COL6A6: variants seen among roughly 807,000 people sequenced by gnomAD.
COL6A6 encodes collagen alpha-6(VI) chain.
A neutral mutation model predicts 208.6 loss-of-function variants in COL6A6; 183 were observed. The observed-to-expected ratio is 0.88, with a 90% CI of 0.78 to 0.99. COL6A6 has a LOEUF of 0.99. COL6A6 is among the 50% of genes least tolerant of loss of function. COL6A6 has a pLI of 0.00. For synonymous variants in COL6A6, 973 were observed against 1,011.8 expected (o/e 0.96, Z 0.73); for missense variants, 2,816 against 2,815.2 (o/e 1.00, Z -0.01).
intron 12 of COL6A6, among the ~76,000 whole-genome samples, chr3:130,589,777 A>C (rs2063629738): frequency 6.6e-6 from 1 of 152,208 alleles, no homozygotes; most frequent in Non-Finnish European, 1.5e-5. Context: ...ATGTGAAAAT[A>C]TTATTTTGAA....
intron 22 of COL6A6, among the ~76,000 whole-genome samples, chr3:130,610,403 T>A (rs186405893): frequency 2.3e-4 from 35 of 152,234 alleles, no homozygotes; most frequent in African/African-American, 8.2e-4. Context: ...CCATTCAGTA[T>A]TTTTTTCCAA....
intron 8 of COL6A6, 33 bp downstream of exon 8, chr3:130,574,558 C>G: frequency 6.5e-7 from 1 of 1,540,484 alleles, no homozygotes; most frequent in South Asian, 1.1e-5. Context: ...ATTCGATTCC[C>G]TACACCATCT....
chr3:130,592,854 A>G (rs1416000822), intron 15 of COL6A6, 132 bp downstream of exon 15: 3 of 947,276 alleles, frequency 3.2e-6, no homozygotes, highest in Non-Finnish European at 4.8e-6. Context: ...CAGCCATTTC[A>G]TTTTGTTTCT....
intron 19 of COL6A6, among the ~76,000 whole-genome samples, 159 bp downstream of exon 19, chr3:130,598,589 A>G (rs1358526383): frequency 6.6e-6 from 1 of 152,182 alleles, no homozygotes; most frequent in South Asian, 2.1e-4. Context: ...TCTCCTGCCT[A>G]TGTACTACTC....
chr3:130,649,549 G>A lies in COL6A6; in HGVS notation c.5720G>A (p.Arg1907Lys). 6.3e-7 allele frequency: 1 copy of A among 1,589,928 alleles called. No individual in the cohort carries two copies. Among genetic ancestry groups the A allele is most frequent in the South Asian group, 1.1e-5 (1 of 88,272 alleles). ...VITFSNVPSV[R>K]RAFAIDDTGT... ...ACTTTCAGCAACGTGCCCTCGGTCAGGCGCGCATTTGCGGTATGAGGATGA... is the reference window on the plus strand; with the variant it reads ...ACTTTCAGCAACGTGCCCTCGGTCAAGCGCGCATTTGCGGTATGAGGATGA... Residue 1907 changes from arginine (R) to lysine (K), a missense_variant, in exon 33 of 37, where the codon AGG (arginine) becomes AAG (lysine). By Grantham distance (26) the Arg-to-Lys change is conservative. Transcript: ENST00000358511.
At chr3:130,644,548 T>C (rs949298184) in intron 31 of COL6A6, among the ~76,000 whole-genome samples, 2 of 152,196 alleles carry the variant, frequency 1.3e-5, no homozygotes, top group Non-Finnish European at 2.9e-5. Flanking sequence ...AATATACATA[T>C]AGTATACACA....
intron 6 of COL6A6, among the ~76,000 whole-genome samples, chr3:130,569,989 T>C (rs897638797): frequency 6.6e-6 from 1 of 152,226 alleles, no homozygotes; most frequent in Non-Finnish European, 1.5e-5. Flanking sequence ...AATGTTTGGA[T>C]CATACCTTTC....
intron 1 of COL6A6, among the ~76,000 whole-genome samples, chr3:130,530,599 C>T (rs1279719959): frequency 6.6e-6 from 1 of 152,154 alleles, no homozygotes; most frequent in Non-Finnish European, 1.5e-5. Flanking sequence ...GTCTTTAAAA[C>T]AAGGATTAAA....
intron 7 of COL6A6, among the ~76,000 whole-genome samples, chr3:130,572,602 C>T (rs1252866399): frequency 1.3e-5 from 2 of 152,184 alleles, no homozygotes; most frequent in Admixed American, 1.3e-4. Flanking sequence ...TCTCTTCCTT[C>T]CTTGTAGCCA....
intron 34 of COL6A6, among the ~76,000 whole-genome samples, chr3:130,660,887 TA>T: frequency 6.6e-6 from 1 of 152,356 alleles, no homozygotes; most frequent in East Asian, 1.9e-4. Flanking sequence ...GTCTCTTCTG[TA>T]AAATTACAAC....
rs75135087 is a variant in COL6A6 at position 130,664,097 on chromosome 3, C to T, written c.6503-906C>T. On this transcript the variant is annotated intron_variant, in intron 35 of 36. Transcript: ENST00000358511. ...GACTGGTCTTCTGGTCTAGCTCCCT[C>T]GCTTTGTGGCTCTTATTTAAATATA... Among the ~76,000 whole-genome samples the T allele has an allele frequency of 4.1e-3, 617 of 152,278 alleles. 3 individuals are homozygous for T. Among genetic ancestry groups the T allele is most frequent in the Non-Finnish European group, 6.5e-3 (440 of 68,020 alleles).
chr3:130,609,399 T>G (rs6788345), intron 22 of COL6A6, among the ~76,000 whole-genome samples: 60,781 of 152,058 alleles, frequency 0.4, 15,569 homozygotes, highest in African/African-American at 0.71. Context: ...TCAGTGGGGT[T>G]ATCTGCAGTG....
chr3:130,634,242 TAAAAAAAA>T (rs202193097), intron 26 of COL6A6, among the ~76,000 whole-genome samples: 5 of 23,794 alleles, frequency 2.1e-4, no homozygotes, highest in Non-Finnish European at 1.8e-4. Context: ...AATAAATAAA[TAAAAAAAA>T]AAAAAAAAAA....
intron 33 of COL6A6, among the ~76,000 whole-genome samples, chr3:130,657,777 GATTA>G (rs2108443267): frequency 6.6e-6 from 1 of 152,284 alleles, no homozygotes; most frequent in Non-Finnish European, 1.5e-5. Flanking sequence ...TACCTCTGTG[GATTA>G]ATTATGGTGA....
intron 33 of COL6A6, among the ~76,000 whole-genome samples, chr3:130,656,479 T>A (rs1463616668): frequency 6.6e-6 from 1 of 152,056 alleles, no homozygotes; most frequent in East Asian, 1.9e-4. Flanking sequence ...CCTCCTTGAG[T>A]CTGTCCGAGT....
chr3:130,536,579 C>T (rs892979097), intron 1 of COL6A6, among the ~76,000 whole-genome samples: 4 of 152,114 alleles, frequency 2.6e-5, no homozygotes, highest in African/African-American at 7.2e-5. Context: ...ACCAAACGTC[C>T]CTTTAAGAAG....
At chr3:130,520,753 G>A (rs1407067110) in intron 1 of COL6A6, among the ~76,000 whole-genome samples, 2 of 152,122 alleles carry the variant, frequency 1.3e-5, no homozygotes, top group Non-Finnish European at 2.9e-5. Flanking sequence ...GATAAAGGAG[G>A]CAGTATCATC....
intron 18 of COL6A6, chr3:130,594,554 A>G: frequency 4.8e-6 from 2 of 413,970 alleles, no homozygotes; most frequent in Admixed American, 8.0e-5. Context: ...GTCTTTTGCA[A>G]ATGCAATTTT....
At position 130,657,532 on chromosome 3, in the gene COL6A6, A is replaced by G. The variant is rs190787888; in HGVS notation, c.5734-1144A>G. Among the ~76,000 whole-genome samples the G allele has an allele frequency of 2.3e-3, 345 of 152,338 alleles. 2 individuals carry two copies. Among genetic ancestry groups the G allele is most frequent in the Non-Finnish European group, 4.0e-3 (273 of 68,026 alleles). On this transcript the variant is annotated intron_variant, in intron 33 of 36. Transcript: ENST00000358511. The stretch of plus-strand genomic sequence containing the variant: ...CAGTTGGCCACTTGTGACTAACTGA[A>G]GCATAGCCGCTATGATTGGCTAAGA...
Sources: gnomAD v4.1 joint callset for allele counts (sites outside exome capture counted in the v4.1 genomes callset) on GRCh38, gnomAD v4.1.1 for gene constraint, MANE v1.5 for transcripts, NCBI Gene and HGNC (gene_info 2026-07-23, HGNC 2026-07-21) for gene names.